Variants in OVGP1 observed in about 807,000 individuals in gnomAD.
OVGP1 encodes the protein oviductal glycoprotein 1.
OVGP1 carries 26 observed loss-of-function variants against 48.2 expected under a neutral mutation model. The observed-to-expected ratio is 0.54, with a 90% CI of 0.40 to 0.75. The LOEUF is 0.75. Ranked by LOEUF, OVGP1 falls within the 30% of genes least tolerant of loss-of-function variation. OVGP1 has a pLI of 0.00. For synonymous variants in OVGP1, 294 were observed against 305.7 expected, an observed-to-expected ratio of 0.96 and a Z score of 0.40; for missense variants, 791 against 820.6, an observed-to-expected ratio of 0.96 and a Z score of 0.44.
At chr1:111,419,534 T>C in intron 9 of OVGP1, 76 bp downstream of exon 9, 3 of 844,910 alleles carry the variant, frequency 3.6e-6, no homozygotes, top group African/African-American at 3.3e-5. Context: ...TACACATACA[T>C]GCATTGTACA....
At chr1:111,418,550 C>A (rs577493327) in intron 9 of OVGP1, among the ~76,000 whole-genome samples, 13 of 152,308 alleles carry the variant, frequency 8.5e-5, no homozygotes, top group African/African-American at 3.1e-4. Context: ...CCGACACCTG[C>A]CATTTCTGCA....
At chr1:111,424,231 G>A (rs1173243763) in intron 4 of OVGP1, among the ~76,000 whole-genome samples, 1 of 152,198 alleles carries the variant, frequency 6.6e-6, no homozygotes, top group East Asian at 1.9e-4. Flanking sequence ...CTTGGCACAA[G>A]AGGCCTGTGT....
At position 111,423,633 on chromosome 1, in the gene OVGP1, A is replaced by T; in HGVS notation, c.393T>A (p.His131Gln). Residue 131 changes from histidine (H) to glutamine (Q), a missense_variant, in exon 5 of 11, where the codon CAT becomes CAA. By Grantham distance (24) the His-to-Gln change is conservative (BLOSUM62 0). Coordinates refer to ENST00000369732, the MANE Select transcript of OVGP1 (RefSeq NM_002557.4). ...AGAAAAGGTCAAGACCATCAAAGTC[A>T]TGTGTCCTCAGAAGGGATATAACTG... is the stretch of plus-strand genomic sequence containing the variant. ...IASVISLLRT[H>Q]DFDGLDLFFL... 1 of 1,614,182 alleles carries T rather than the reference A, an allele frequency of 6.2e-7. No homozygotes were observed. The highest frequency in any genetic ancestry group is 1.3e-5 in the African/African-American group (1 of 75,064).
In OVGP1 at chr1:111,425,411, T is replaced by C. The variant is rs765315143; in HGVS notation, c.289A>G (p.Ile97Val). The C allele has an allele frequency of 2.5e-6, 4 of 1,614,110 alleles. No individual in the cohort carries two copies. The highest frequency in any genetic ancestry group is 2.2e-5 in the East Asian group (1 of 44,876). ...GAGGTGCCAAAGTTCCACCCGCCGATGGACAGTAGTGTTTTCAGCTCTCTG... is the reference window on the plus strand; with the variant it reads ...GAGGTGCCAAAGTTCCACCCGCCGACGGACAGTAGTGTTTTCAGCTCTCTG... ...RNRELKTLLS[I>V]GGWNFGTSRF... The change falls in exon 4 of 11, where the codon ATC becomes GTC. Residue 97 changes from isoleucine (I) to valine (V), a missense_variant. Coordinates refer to ENST00000369732, the MANE Select transcript of OVGP1 (RefSeq NM_002557.4).
chr1:111,414,518 AG>A lies in OVGP1; in HGVS notation c.1982del (p.Pro661LeufsTer4). 6.2e-7 allele frequency: 1 copy of A among 1,613,914 alleles called. No homozygotes were observed. Among genetic ancestry groups the A allele is most frequent in the Non-Finnish European group, 8.5e-7 (1 of 1,179,866 alleles). On this transcript the variant is annotated frameshift_variant, in exon 11 of 11. Transcript: ENST00000369732. LOFTEE classifies it low-confidence loss of function (END_TRUNC). Reference sequence around the variant, plus strand: ...CTGGGATTTCTTTTTTTAGAGAAAGAGGACTTGTTTGAGGGGTTACTGAGTT... The same window carrying A: ...CTGGGATTTCTTTTTTTAGAGAAAGAGACTTGTTTGAGGGGTTACTGAGTT... ...SVNSVTPQTS[P>X]LSLKKEIPEN...
chr1:111,427,244 G>C, intron 1 of OVGP1, 153 bp from the exon 2 acceptor site: 1 of 985,382 alleles, frequency 1.0e-6, no homozygotes, highest in African/African-American at 1.7e-5. Context: ...CCATTTACTC[G>C]TTTCCTAGTT....
At chr1:111,417,600 T>C (rs1051002688) in intron 9 of OVGP1, among the ~76,000 whole-genome samples, 25 of 152,206 alleles carry the variant, frequency 1.6e-4, no homozygotes, top group African/African-American at 5.8e-4. Context: ...GCTAAGAAAT[T>C]AGTCTGCCAG....
chr1:111,427,108 A>C lies in OVGP1; in HGVS notation c.26-17T>G, dbSNP rs746971964. 4 of 1,613,928 alleles carry C rather than the reference A, an allele frequency of 2.5e-6. No homozygotes were observed. The African/African-American group carries it at 5.3e-5, about 22-fold the overall frequency. On this transcript the variant is annotated splice_polypyrimidine_tract_variant and intron_variant, in intron 1 of 10. Coordinates refer to ENST00000369732, the MANE Select transcript of OVGP1 (RefSeq NM_002557.4). ...GAACCAGCCCTGTGAGAAACAAAGG[A>C]AGGAGTCACACAGAGATTCATACCC... is the stretch of plus-strand genomic sequence containing the variant.
chr1:111,423,150 A>T, intron 5 of OVGP1, 99 bp from the exon 6 acceptor site: 1 of 1,476,360 alleles, frequency 6.8e-7, no homozygotes, highest in Non-Finnish European at 9.3e-7. Flanking sequence ...CTCCTGAGCC[A>T]GGCTCTGGGA....
At chr1:111,417,273 C>CAGT (rs1652159100) in intron 9 of OVGP1, among the ~76,000 whole-genome samples, 1 of 152,206 alleles carries the variant, frequency 6.6e-6, no homozygotes, top group African/African-American at 2.4e-5. Context: ...CTATAAAATA[C>CAGT]AGTAGAGCAC....
In OVGP1 at chr1:111,415,235, C is replaced by G; in HGVS notation, c.1266G>C (p.Lys422Asn). 6.2e-7 allele frequency: 1 copy of G among 1,614,186 alleles called. No homozygotes were observed. Among genetic ancestry groups the G allele is most frequent in the Non-Finnish European group, 8.5e-7 (1 of 1,180,030 alleles). Reference sequence around the variant, plus strand: ...CAGCCTCTCCTCCTGGGGGCAAAATCTTACTATCAGTGGTCCATGCCGTGG... The same window carrying G: ...CAGCCTCTCCTCCTGGGGGCAAAATGTTACTATCAGTGGTCCATGCCGTGG... ...AVTTAWTTDS[K>N]ILPPGGEAGV... The change falls in exon 11 of 11, where the codon AAG becomes AAC. Residue 422 changes from lysine (K) to asparagine (N), a missense_variant. Physicochemically the swap from Lys to Asn is moderately conservative, Grantham distance 94. Transcript: ENST00000369732.
At chr1:111,418,011 G>C (rs1652176236) in intron 9 of OVGP1, among the ~76,000 whole-genome samples, 1 of 152,192 alleles carries the variant, frequency 6.6e-6, no homozygotes, top group South Asian at 2.1e-4. Context: ...GAGGAAAGCA[G>C]CTCTCTATTT....
At position 111,421,644 on chromosome 1, in the gene OVGP1, TAAGAC is replaced by T. The variant is rs758125460; in HGVS notation, c.633_637del (p.Ser212Ter). The T allele has an allele frequency of 1.2e-6, 2 of 1,611,588 alleles. No individual in the cohort carries two copies. Among genetic ancestry groups the T allele is most frequent in the Admixed American group, 3.3e-5 (2 of 60,018 alleles). The stretch of plus-strand genomic sequence containing the variant: ...CCTTTCCCAACTTCCATGTAAGTCA[TAAGAC>T]AAGACATTGATGAAATCCAGGAGTC... On this transcript the variant is annotated frameshift_variant, in exon 7 of 11. Coordinates refer to ENST00000369732, the MANE Select transcript of OVGP1 (RefSeq NM_002557.4). LOFTEE classifies it high-confidence loss of function.
Position 111,414,887 on chromosome 1 carries a change from CTGA to C in OVGP1, c.1611_1613del (p.His537del), listed in dbSNP as rs1557781102. Reference sequence around the variant, plus strand: ...TAGTCGTTCCTCCAGGGCTCACAGACTGATGACTCACAGGGGTCACAGACTGAT... The same window carrying C: ...TAGTCGTTCCTCCAGGGCTCACAGACTGACTCACAGGGGTCACAGACTGAT... On this transcript the variant is annotated inframe_deletion, in exon 11 of 11. Coordinates refer to ENST00000369732, the MANE Select transcript of OVGP1 (RefSeq NM_002557.4). 4.0e-6 allele frequency: 3 copies of C among 753,736 alleles called. No individual in the cohort carries two copies. The highest frequency in any genetic ancestry group is 3.7e-5 in the African/African-American group (1 of 27,246). The allele number at this position is 753,736 out of a possible 1,614,324, so 46.7% of individuals were successfully genotyped here. A position where few individuals can be genotyped will look rare whatever the true frequency, so the allele number is the denominator to read the frequency against.
intron 10 of OVGP1, 35 bp from the exon 11 acceptor site, chr1:111,415,379 A>G: frequency 6.4e-7 from 1 of 1,565,434 alleles, no homozygotes; most frequent in Non-Finnish European, 8.7e-7. Flanking sequence ...TGAGATTCCT[A>G]CCACTTCATT....
At chr1:111,415,727 G>C (rs1337627777) in intron 10 of OVGP1, among the ~76,000 whole-genome samples, 2 of 152,178 alleles carry the variant, frequency 1.3e-5, no homozygotes, top group African/African-American at 4.8e-5. Context: ...TCAAGGAGAA[G>C]CTTCTTATGT....
rs1486734827 is a variant in OVGP1, at chr1:111,416,369, G to A, written c.1110C>T (p.Gly370=). 4 of 1,607,966 alleles carry A rather than the reference G, an allele frequency of 2.5e-6. No individual in the cohort carries two copies. Among genetic ancestry groups the A allele is most frequent in the Non-Finnish European group, 3.4e-6 (4 of 1,177,144 alleles). Residue 370 remains glycine, a synonymous_variant, in exon 10 of 11, where the codon GGC becomes GGT. Coordinates refer to ENST00000369732, the MANE Select transcript of OVGP1 (RefSeq NM_002557.4). ...TCAATACGTAGACAAGGGGGAAAGG[G>A]CCAGTGCCACAGAACGTGCCCCTGA... is the stretch of plus-strand genomic sequence containing the variant. ...DDVRGTFCGT[G]PFPLVYVLND...
intron 2 of OVGP1, 151 bp downstream of exon 2, chr1:111,426,911 G>T: frequency 6.5e-7 from 1 of 1,549,696 alleles, no homozygotes; most frequent in East Asian, 2.4e-5. Context: ...ACAAACAGCA[G>T]GTGACCAAAA....
In OVGP1 at chr1:111,414,771, G is replaced by C. The variant is rs1213082316; in HGVS notation, c.1730C>G (p.Pro577Arg). 15 of 1,608,864 alleles carry C rather than the reference G, an allele frequency of 9.3e-6. No individual in the cohort carries two copies. The highest frequency in any genetic ancestry group is 1.7e-5 in the Admixed American group (1 of 59,810). Residue 577 changes from proline (P) to arginine (R), a missense_variant, in exon 11 of 11, where the codon CCC (proline) becomes CGC (arginine). Physicochemically the swap from Pro to Arg is moderately radical, Grantham distance 103. Transcript: ENST00000369732. The stretch of plus-strand genomic sequence containing the variant: ...AGGGGTGACTGATATGTTTCTGGAG[G>C]GGACAGTCACCTTTTCACGGGCCAC... ...KAVAREKVTV[P>R]SRNISVTPEG...
Sources: allele counts gnomAD v4.1 joint callset (sites outside exome capture counted in the v4.1 genomes callset), GRCh38; gene constraint gnomAD v4.1.1; transcripts MANE v1.5; gene names NCBI Gene and HGNC (gene_info 2026-07-23, HGNC 2026-07-21).